Variants in PIK3CA observed in about 807,000 individuals in gnomAD.
PIK3CA encodes phosphatidylinositol 4,5-bisphosphate 3-kinase catalytic subunit alpha isoform.
PIK3CA carries 27 observed loss-of-function variants against 138.2 expected under a neutral mutation model. That is an observed-to-expected ratio of 0.20 (90% CI 0.14 to 0.27). PIK3CA has a LOEUF of 0.27. Ranked by LOEUF, PIK3CA falls within the 10% of genes least tolerant of loss-of-function variation. The probability of loss-of-function intolerance (pLI) is 1.00; values close to 1 mark genes in which losing one functional copy is unlikely to be tolerated. For synonymous variants in PIK3CA, 358 were observed against 413.2 expected, an observed-to-expected ratio of 0.87 and a Z score of 1.62; for missense variants, 544 against 1,277.4, an observed-to-expected ratio of 0.43 and a Z score of 8.75.
In PIK3CA at chr3:179,234,054, A is replaced by G. The variant is rs769712975; in HGVS notation, c.2937-40A>G. 3 of 1,501,544 alleles carry G rather than the reference A, an allele frequency of 2.0e-6. No homozygotes were observed. The highest frequency in any genetic ancestry group is 1.9e-5 in the Admixed American group (1 of 52,210). The allele number at this position is 1,501,544 out of a possible 1,614,324, so 93.0% of individuals were successfully genotyped here. A position where few individuals can be genotyped will look rare whatever the true frequency, so the allele number is the denominator to read the frequency against. ...GCAAAGACCTGAAGGTATTAACATC[A>G]TTTGCTCCAAACTGACCAAACTGTT... On this transcript the variant is annotated intron_variant, in intron 20 of 20. Transcript: ENST00000263967. The surrounding 1 kb of genome is among the most constrained non-coding windows in gnomAD (Gnocchi z 5.1).
At chr3:179,150,388 G>A (rs1386632667) in intron 1 of PIK3CA, among the ~76,000 whole-genome samples, 1 of 152,010 alleles carries the variant, frequency 6.6e-6, no homozygotes, top group Non-Finnish European at 1.5e-5. Context: ...AGAAAGTAAA[G>A]GAATATTAAT....
At chr3:179,229,702 A>G (rs1484313558) in intron 18 of PIK3CA, among the ~76,000 whole-genome samples, 1 of 152,226 alleles carries the variant, frequency 6.6e-6, no homozygotes, top group Non-Finnish European at 1.5e-5. Context: ...AAACAAATGA[A>G]TATTGCACAT....
chr3:179,222,381 A>G (rs1339458161), intron 14 of PIK3CA, among the ~76,000 whole-genome samples: 2 of 152,206 alleles, frequency 1.3e-5, no homozygotes, highest in African/African-American at 4.8e-5. Context: ...TTTATGAGCA[A>G]GAAGGGTCTA....
In PIK3CA at chr3:179,230,335, T is replaced by G; in HGVS notation, c.2895T>G (p.Ser965Arg). The change falls in exon 20 of 21, where the codon AGT becomes AGG. Residue 965 changes from serine (S) to arginine (R), a missense_variant. By Grantham distance (110) the Ser-to-Arg change is moderately radical (BLOSUM62 -1). Coordinates refer to ENST00000263967, the MANE Select transcript of PIK3CA (RefSeq NM_006218.4). This position sits in a 1 kb window ranked among gnomAD's most constrained non-coding sequence, Gnocchi z 5.4. ...VLTQDFLIVI[S>R]KGAQECTKTR... is the part of the protein sequence containing the mutation. ...CACAGGATTTCTTAATAGTGATTAG[T>G]AAAGGAGCCCAAGAATGCACAAAGA... is the stretch of plus-strand genomic sequence containing the variant. The G allele has an allele frequency of 6.2e-7, 1 of 1,610,566 alleles. No individual in the cohort carries two copies. Among genetic ancestry groups the G allele is most frequent in the Non-Finnish European group, 8.5e-7 (1 of 1,178,744 alleles).
intron 1 of PIK3CA, among the ~76,000 whole-genome samples, chr3:179,167,991 A>T (rs568589270): frequency 1.3e-5 from 2 of 152,186 alleles, no homozygotes; most frequent in East Asian, 3.9e-4. Flanking sequence ...TTTTTCCTGA[A>T]TACTTTTTAC....
At chr3:179,213,002 A>C (rs1429692184) in intron 9 of PIK3CA, among the ~76,000 whole-genome samples, 1 of 152,206 alleles carries the variant, frequency 6.6e-6, no homozygotes, top group African/African-American at 2.4e-5. Flanking sequence ...ACAGGAGATC[A>C]GTTGCCCCTA....
chr3:179,171,446 C>T (rs1172386021), intron 1 of PIK3CA, among the ~76,000 whole-genome samples: 1 of 151,872 alleles, frequency 6.6e-6, no homozygotes, highest in Non-Finnish European at 1.5e-5. Context: ...TAATAAAGAT[C>T]AGAACAGAAA....
At chr3:179,207,653 G>A (rs1161207155) in intron 6 of PIK3CA, among the ~76,000 whole-genome samples, 1 of 151,188 alleles carries the variant, frequency 6.6e-6, no homozygotes, top group Non-Finnish European at 1.5e-5. Flanking sequence ...CTGAGTAGCT[G>A]GAGTTACAGG....
chr3:179,210,587 A>G, intron 9 of PIK3CA, 22 bp downstream of exon 9: 1 of 1,608,780 alleles, frequency 6.2e-7, no homozygotes, highest in Non-Finnish European at 8.5e-7. Context: ...CACTGAGTTT[A>G]TTAAGTATCA....
intron 1 of PIK3CA, among the ~76,000 whole-genome samples, chr3:179,185,369 C>T (rs1723950329): frequency 6.6e-6 from 1 of 152,112 alleles, no homozygotes; most frequent in Non-Finnish European, 1.5e-5. Context: ...ACCATTTTTC[C>T]TCTGCTCTCA....
intron 1 of PIK3CA, among the ~76,000 whole-genome samples, chr3:179,196,779 A>G (rs1445473411): frequency 1.3e-5 from 2 of 152,164 alleles, no homozygotes; most frequent in Non-Finnish European, 2.9e-5. Context: ...CACACTGGCT[A>G]TGAGGTGGAG....
chr3:179,233,430 GTATT>G (rs1725257736), intron 20 of PIK3CA: 2 of 378,950 alleles, frequency 5.3e-6, no homozygotes, highest in Non-Finnish European at 9.2e-6. Context: ...TTTTTTTTTT[GTATT>G]TATTTGTGTG....
chr3:179,219,694 A>G lies in PIK3CA; in HGVS notation c.1870A>G (p.Thr624Ala), dbSNP rs762727422. ...TGTTCGGTGCTTGGAAAAATATTTA[A>G]CAGATGACAAACTTTCTCAGTATTT... ...FAVRCLEKYL[T>A]DDKLSQYLIQ... The change falls in exon 12 of 21, where the codon ACA (threonine) becomes GCA (alanine). Residue 624 changes from threonine to alanine, a missense_variant. Coordinates refer to ENST00000263967, the MANE Select transcript of PIK3CA (RefSeq NM_006218.4). This position sits in a 1 kb window ranked among gnomAD's most constrained non-coding sequence, Gnocchi z 4.2. 1 of 1,610,398 alleles carries G rather than the reference A, an allele frequency of 6.2e-7. No individual in the cohort carries two copies.
At chr3:179,187,005 G>T (rs1172464024) in intron 1 of PIK3CA, among the ~76,000 whole-genome samples, 1 of 151,848 alleles carries the variant, frequency 6.6e-6, no homozygotes, top group Non-Finnish European at 1.5e-5. Context: ...TTATGCAAAA[G>T]ATGCTATTTT....
chr3:179,172,543 A>G (rs943727578), intron 1 of PIK3CA, among the ~76,000 whole-genome samples: 3 of 152,306 alleles, frequency 2.0e-5, no homozygotes, highest in Middle Eastern at 3.4e-3. Flanking sequence ...GCTGTAGAGT[A>G]AAAGATAACA....
chr3:179,164,877 A>T (rs1244466303), intron 1 of PIK3CA, among the ~76,000 whole-genome samples: 2 of 152,080 alleles, frequency 1.3e-5, no homozygotes, highest in Non-Finnish European at 2.9e-5. Flanking sequence ...CTTAAAAAAA[A>T]AAAGAAAAAG....
chr3:179,227,310 T>C (rs1167374907), intron 17 of PIK3CA, among the ~76,000 whole-genome samples: 1 of 152,094 alleles, frequency 6.6e-6, no homozygotes, highest in Non-Finnish European at 1.5e-5. Flanking sequence ...CCTGCTTCTT[T>C]TTTTTAATAA....
At position 179,219,296 on chromosome 3, in the gene PIK3CA, T is replaced by G. The variant is rs1425993908; in HGVS notation, c.1746+19T>G. 5.1e-6 allele frequency: 7 copies of G among 1,375,734 alleles called. No individual in the cohort carries two copies. Among genetic ancestry groups the G allele is most frequent in the Non-Finnish European group, 7.3e-6 (7 of 964,376 alleles). The allele number at this position is 1,375,734 out of a possible 1,614,324, so 85.2% of individuals were successfully genotyped here. On this transcript the variant is annotated intron_variant, in intron 11 of 20. Transcript: ENST00000263967. This position sits in a 1 kb window ranked among gnomAD's most constrained non-coding sequence, Gnocchi z 4.2. ...AGCCCAGGTAAATGTATGTTTGAGA[T>G]TACTAGATAACTGTTGTACAAATTG...
intron 1 of PIK3CA, among the ~76,000 whole-genome samples, chr3:179,151,581 T>C (rs556177319): frequency 6.6e-6 from 1 of 152,314 alleles, no homozygotes; most frequent in South Asian, 2.1e-4. Context: ...ATCTGTGTTT[T>C]GTTTTGTTTG....
Sources: gnomAD v4.1 joint callset for allele counts (sites outside exome capture counted in the v4.1 genomes callset) on GRCh38, gnomAD v4.1.1 for gene constraint, Gnocchi (gnomAD v3.1) non-coding constraint, MANE v1.5 for transcripts, NCBI Gene and HGNC (gene_info 2026-07-23, HGNC 2026-07-21) for gene names.